Variants in FILIP1L observed in about 807,000 individuals in gnomAD.
FILIP1L encodes the protein filamin A-interacting protein 1-like.
FILIP1L carries 55 observed loss-of-function variants against 96.6 expected under a neutral mutation model. The observed-to-expected ratio is 0.57, with a 90% CI of 0.46 to 0.71. The LOEUF is 0.71. Ranked by LOEUF, FILIP1L falls within the 30% of genes least tolerant of loss-of-function variation. The pLI is 0.00. For missense variants in FILIP1L, 1,304 were observed against 1,321.2 expected (o/e 0.99, Z 0.20); for synonymous variants, 467 against 473.9 (o/e 0.99, Z 0.19).
At chr3:99,930,699 A>T in intron 2 of FILIP1L, 70 bp downstream of exon 2, 1 of 1,540,554 alleles carries the variant, frequency 6.5e-7, no homozygotes, top group Non-Finnish European at 8.9e-7. Flanking sequence ...TTTCTGTGGC[A>T]GCAGGAACAC....
At chr3:99,944,078 G>A (rs1707932907) in intron 1 of FILIP1L, among the ~76,000 whole-genome samples, 1 of 152,208 alleles carries the variant, frequency 6.6e-6, no homozygotes, top group Non-Finnish European at 1.5e-5. Context: ...AACATCAAAT[G>A]AGATAAGAAA....
intron 1 of FILIP1L, among the ~76,000 whole-genome samples, chr3:100,086,118 T>A (rs1397176724): frequency 1.3e-5 from 2 of 152,250 alleles, no homozygotes; most frequent in Admixed American, 6.5e-5. Flanking sequence ...TAAACATGTA[T>A]CTTTCTGCAG....
intron 1 of FILIP1L, among the ~76,000 whole-genome samples, chr3:100,108,860 C>G (rs2066438571): frequency 6.6e-6 from 1 of 152,142 alleles, no homozygotes; most frequent in Non-Finnish European, 1.5e-5. Context: ...CTTGCTATGT[C>G]TATCTGAATA....
chr3:100,074,100 A>C (rs530128929), intron 1 of FILIP1L, among the ~76,000 whole-genome samples: 1 of 152,042 alleles, frequency 6.6e-6, no homozygotes, highest in Admixed American at 6.5e-5. Flanking sequence ...ACTGGAAAAT[A>C]TGAGGCAGAT....
intron 1 of FILIP1L, among the ~76,000 whole-genome samples, chr3:99,957,311 A>G (rs1708347760): frequency 6.6e-6 from 1 of 152,232 alleles, no homozygotes; most frequent in Non-Finnish European, 1.5e-5. Context: ...TGATTTCCAC[A>G]TATTCTAAGC....
chr3:99,888,442 T>A (rs1705978295), intron 4 of FILIP1L, among the ~76,000 whole-genome samples: 1 of 152,108 alleles, frequency 6.6e-6, no homozygotes, highest in Admixed American at 6.5e-5. Flanking sequence ...TACCAAAGGT[T>A]CTTCCCAGAG....
At chr3:99,951,017 A>G (rs1708161126) in intron 1 of FILIP1L, among the ~76,000 whole-genome samples, 1 of 152,176 alleles carries the variant, frequency 6.6e-6, no homozygotes, top group Admixed American at 6.5e-5. Flanking sequence ...TTTGGCCCAC[A>G]GTTTCACCTC....
chr3:100,007,989 T>C (rs1248487796), intron 1 of FILIP1L, among the ~76,000 whole-genome samples: 1 of 152,204 alleles, frequency 6.6e-6, no homozygotes, highest in Non-Finnish European at 1.5e-5. Context: ...CTGGGAATTA[T>C]AGGTTATGGT....
intron 1 of FILIP1L, among the ~76,000 whole-genome samples, chr3:100,088,472 A>G (rs919373692): frequency 2.0e-5 from 3 of 152,248 alleles, no homozygotes; most frequent in African/African-American, 4.8e-5. Flanking sequence ...ATTGAAATTA[A>G]CTTTTAAAAC....
At chr3:99,888,516 C>T (rs772353074) in intron 4 of FILIP1L, among the ~76,000 whole-genome samples, 20 of 152,144 alleles carry the variant, frequency 1.3e-4, no homozygotes, top group Non-Finnish European at 4.4e-5. Flanking sequence ...AAAACAAAAG[C>T]ACCCCTGAAT....
chr3:100,063,125 CTGTTT>C (rs1391092532), intron 1 of FILIP1L, among the ~76,000 whole-genome samples: 6 of 152,058 alleles, frequency 3.9e-5, no homozygotes, highest in Non-Finnish European at 7.4e-5. Context: ...AGTTGGCACC[CTGTTT>C]TGTTTTGTTT....
chr3:99,899,869 A>C (rs1463474159), intron 4 of FILIP1L, among the ~76,000 whole-genome samples: 1 of 152,190 alleles, frequency 6.6e-6, no homozygotes, highest in African/African-American at 2.4e-5. Flanking sequence ...TAGGGTTGTT[A>C]TATTTAAATG....
chr3:100,040,388 T>A (rs1469287207), intron 1 of FILIP1L: 1 of 152,212 alleles, frequency 6.6e-6, no homozygotes, highest in African/African-American at 2.4e-5. Flanking sequence ...ATCATTTGTA[T>A]AGTTCCAGAT....
chr3:99,972,186 T>G (rs1708842714), intron 1 of FILIP1L, among the ~76,000 whole-genome samples: 1 of 152,152 alleles, frequency 6.6e-6, no homozygotes, highest in South Asian at 2.1e-4. Flanking sequence ...AACCAGTCTT[T>G]TTATGGGCTT....
intron 4 of FILIP1L, among the ~76,000 whole-genome samples, chr3:99,859,062 A>G (rs960242041): frequency 6.6e-6 from 1 of 152,230 alleles, no homozygotes; most frequent in African/African-American, 2.4e-5. Flanking sequence ...AAAGTCCTAA[A>G]TGACAAAACT....
chr3:100,061,773 G>A (rs2065570820), intron 1 of FILIP1L, among the ~76,000 whole-genome samples: 1 of 152,196 alleles, frequency 6.6e-6, no homozygotes, highest in Non-Finnish European at 1.5e-5. Context: ...AGAAGGTAAT[G>A]CAATACCCAA....
chr3:100,034,604 A>G (rs2065076337), intron 1 of FILIP1L, among the ~76,000 whole-genome samples: 1 of 152,214 alleles, frequency 6.6e-6, no homozygotes. Context: ...ATGCTTCCTT[A>G]TCAGTAAAAC....
chr3:99,846,162 C>G (rs1236531613), intron 5 of FILIP1L, among the ~76,000 whole-genome samples: 1 of 152,188 alleles, frequency 6.6e-6, no homozygotes, highest in Non-Finnish European at 1.5e-5. Flanking sequence ...CCCCCGTCCC[C>G]CACCAGCACT....
chr3:99,876,831 T>TA lies in FILIP1L; in HGVS notation c.606-25762dup, dbSNP rs1489892059. Among the ~76,000 whole-genome samples the TA allele has an allele frequency of 1.9e-4, 29 of 152,346 alleles. 1 individual carries two copies. The highest frequency in any genetic ancestry group is 5.8e-4 in the African/African-American group (24 of 41,578). ...TCCCCATTTCTGCATGCCTGTGTTT[T>TA]AACGAAAGCAGTTAAAACTATCATT... On this transcript the variant is annotated intron_variant, in intron 4 of 5. Transcript: ENST00000477258.
Sources: gnomAD v4.1 joint callset for allele counts (sites outside exome capture counted in the v4.1 genomes callset) on GRCh38, gnomAD v4.1.1 for gene constraint, MANE v1.5 for transcripts, NCBI Gene and HGNC (gene_info 2026-07-23, HGNC 2026-07-21) for gene names.